Variants in ROBO1 observed in about 807,000 individuals in gnomAD.
ROBO1 encodes the protein roundabout homolog 1.
Under a neutral mutation model 195.9 loss-of-function variants are expected in ROBO1, and 149 were observed. The ratio of observed to expected loss-of-function variants is 0.76; its 90% CI spans 0.67 to 0.87. The LOEUF is 0.87. Ranked by LOEUF, ROBO1 falls within the 40% of genes least tolerant of loss-of-function variation. ROBO1 has a pLI of 0.00. For synonymous variants in ROBO1, 816 were observed against 733.2 expected (o/e 1.11, Z -1.82); for missense variants, 1,933 against 2,068.3 (o/e 0.93, Z 1.27).
chr3:79,408,226 TA>T (rs1309395495), intron 2 of ROBO1, among the ~76,000 whole-genome samples: 2 of 124,474 alleles, frequency 1.6e-5, no homozygotes, highest in African/African-American at 5.3e-5. Context: ...CTCAAAAAAA[TA>T]AAAAAAATAA....
intron 2 of ROBO1, among the ~76,000 whole-genome samples, chr3:79,499,220 C>A (rs1218447612): frequency 6.6e-6 from 1 of 152,154 alleles, no homozygotes. Flanking sequence ...GTCTCGAACT[C>A]CCGACCTCAG....
chr3:79,009,988 T>A (rs2077735160), intron 3 of ROBO1, among the ~76,000 whole-genome samples: 3 of 152,126 alleles, frequency 2.0e-5, no homozygotes, highest in Admixed American at 6.5e-5. Context: ...GAAAAAACCA[T>A]GTTATGGGGC....
In ROBO1 at chr3:79,244,007, A is replaced by G. The variant is rs1026792685; in HGVS notation, c.89-118468T>C. ...TAATCCATCTTGAATTAATTTTTCT[A>G]TAAGGTGTAAGGAAGGGATCCAGTT... On this transcript the variant is annotated intron_variant, in intron 2 of 30. Coordinates refer to ENST00000464233, the MANE Select transcript of ROBO1 (RefSeq NM_002941.4). Among the ~76,000 whole-genome samples, 90 of 152,108 alleles carry G rather than the reference A, an allele frequency of 5.9e-4. 1 individual carries two copies. Among genetic ancestry groups the G allele is most frequent in the Non-Finnish European group, 1.0e-3 (71 of 68,026 alleles).
At chr3:79,713,389 G>A (rs1156791981) in intron 1 of ROBO1, among the ~76,000 whole-genome samples, 1 of 152,140 alleles carries the variant, frequency 6.6e-6, no homozygotes, top group Non-Finnish European at 1.5e-5. Context: ...TCACAATTTA[G>A]GATGCCATTG....
At chr3:79,210,656 A>T (rs762736093) in intron 2 of ROBO1, among the ~76,000 whole-genome samples, 44 of 152,182 alleles carry the variant, frequency 2.9e-4, no homozygotes, top group South Asian at 2.1e-4. Context: ...GGATAGGAGC[A>T]AAAGGACACC....
intron 1 of ROBO1, among the ~76,000 whole-genome samples, chr3:79,756,249 T>G (rs564684757): frequency 4.8e-4 from 73 of 152,168 alleles, no homozygotes; most frequent in African/African-American, 1.7e-3. Context: ...TTGACACGCC[T>G]CATTAGAAGT....
At chr3:79,048,750 A>C (rs1323730139) in intron 3 of ROBO1, among the ~76,000 whole-genome samples, 2 of 152,138 alleles carry the variant, frequency 1.3e-5, no homozygotes, top group African/African-American at 2.4e-5. Context: ...AAACCCAGGC[A>C]AACAGGGTCT....
At chr3:79,585,854 C>A (rs1431001126) in intron 2 of ROBO1, among the ~76,000 whole-genome samples, 4 of 151,922 alleles carry the variant, frequency 2.6e-5, no homozygotes, top group Non-Finnish European at 5.9e-5. Flanking sequence ...TCTAAATAGT[C>A]AGTGCAGTTA....
At chr3:79,066,591 A>T (rs527918144) in intron 3 of ROBO1, among the ~76,000 whole-genome samples, 1 of 152,046 alleles carries the variant, frequency 6.6e-6, no homozygotes, top group Admixed American at 6.6e-5. Context: ...AGATATTTAA[A>T]AAAATGCTTC....
chr3:79,211,787 C>G (rs1056516519), intron 2 of ROBO1, among the ~76,000 whole-genome samples: 2 of 152,106 alleles, frequency 1.3e-5, no homozygotes, highest in Non-Finnish European at 2.9e-5. Context: ...TTGCCGAGAC[C>G]AGCTTGGTAG....
At chr3:79,071,033 T>C (rs780557485) in intron 3 of ROBO1, among the ~76,000 whole-genome samples, 23 of 151,874 alleles carry the variant, frequency 1.5e-4, no homozygotes, top group African/African-American at 2.9e-4. Context: ...AGCTAATTAC[T>C]GTATGCATTA....
At chr3:78,773,894 C>A (rs1343823112) in intron 4 of ROBO1, among the ~76,000 whole-genome samples, 2 of 152,182 alleles carry the variant, frequency 1.3e-5, no homozygotes, top group African/African-American at 4.8e-5. Flanking sequence ...AGTAGCTCTA[C>A]TAAGTGCCAA....
intron 24 of ROBO1, among the ~76,000 whole-genome samples, chr3:78,633,018 A>C (rs1198796114): frequency 6.6e-6 from 1 of 152,206 alleles, no homozygotes; most frequent in Non-Finnish European, 1.5e-5. Context: ...ATTCCAACAG[A>C]AACACAGGCT....
At chr3:79,500,204 C>T (rs1248401153) in intron 2 of ROBO1, among the ~76,000 whole-genome samples, 1 of 145,694 alleles carries the variant, frequency 6.9e-6, no homozygotes, top group African/African-American at 2.5e-5. Context: ...TATCTCAGCT[C>T]GCTGCAACCT....
rs4680944 is a variant in ROBO1, at chr3:78,891,505, T to C, written c.499+47096A>G. On this transcript the variant is annotated intron_variant, in intron 4 of 30. Coordinates refer to ENST00000464233, the MANE Select transcript of ROBO1 (RefSeq NM_002941.4). ...AACCCTCTTCCACTGCTGGTAGAAA[T>C]GGTACAATCACTTTGGAAAACTGTC... Among the ~76,000 whole-genome samples, 19 of 152,244 alleles carry C rather than the reference T, an allele frequency of 1.2e-4. No individual in the cohort carries two copies. In the East Asian group the frequency reaches 1.7e-3, roughly 14 times the overall value.
At chr3:78,773,030 A>G (rs1440371590) in intron 4 of ROBO1, among the ~76,000 whole-genome samples, 2 of 152,100 alleles carry the variant, frequency 1.3e-5, no homozygotes, top group Admixed American at 6.6e-5. Flanking sequence ...AATATTCAAG[A>G]AAAAGTAATA....
At chr3:78,660,121 G>A (rs7650922) in intron 16 of ROBO1, 4,790 of 183,510 alleles carry the variant, frequency 0.026, 230 homozygotes, top group African/African-American at 0.11. Context: ...GGGTTTCACC[G>A]CCTTGGCCAG....
At chr3:79,039,980 T>A in intron 3 of ROBO1, among the ~76,000 whole-genome samples, 1 of 152,078 alleles carries the variant, frequency 6.6e-6, no homozygotes, top group East Asian at 1.9e-4. Flanking sequence ...ATATGGTAAA[T>A]GCTCAATACA....
intron 1 of ROBO1, among the ~76,000 whole-genome samples, chr3:79,751,209 G>A (rs1333104051): frequency 2.0e-5 from 3 of 152,020 alleles, no homozygotes; most frequent in Non-Finnish European, 2.9e-5. Context: ...CAATACACAA[G>A]GATAAACTGT....
Sources: gnomAD v4.1 joint callset for allele counts (sites outside exome capture counted in the v4.1 genomes callset) on GRCh38, gnomAD v4.1.1 for gene constraint, MANE v1.5 for transcripts, NCBI Gene and HGNC (gene_info 2026-07-23, HGNC 2026-07-21) for gene names.